GATAD2A: variants seen among roughly 807,000 people sequenced by gnomAD.
GATAD2A encodes the protein transcriptional repressor p66-alpha.
Under a neutral mutation model 68.5 loss-of-function variants are expected in GATAD2A, and 12 were observed. The ratio of observed to expected loss-of-function variants is 0.18; its 90% CI spans 0.11 to 0.28. The LOEUF (loss-of-function observed/expected upper bound fraction) is 0.28. Among genes scored for constraint, GATAD2A ranks in the 10% least tolerant of loss-of-function variants. GATAD2A has a pLI of 1.00. For synonymous variants in GATAD2A, 410 were observed against 375.3 expected, an observed-to-expected ratio of 1.09 and a Z score of -1.07; for missense variants, 755 against 868.5, an observed-to-expected ratio of 0.87 and a Z score of 1.64.
At chr19:19,388,897 C>T (rs758002348) in intron 1 of GATAD2A, among the ~76,000 whole-genome samples, 1 of 151,980 alleles carries the variant, frequency 6.6e-6, no homozygotes, top group Non-Finnish European at 1.5e-5. Flanking sequence ...ATCCCTAGTT[C>T]GTAGGCCAGT....
intron 1 of GATAD2A, among the ~76,000 whole-genome samples, chr19:19,443,645 G>A (rs1005955023): frequency 3.3e-5 from 5 of 152,150 alleles, no homozygotes; most frequent in East Asian, 1.9e-4. Context: ...CCCGATGGCC[G>A]TGGACCTGGG....
At position 19,495,864 on chromosome 19, in the gene GATAD2A, C is replaced by T. The variant is rs775281072; in HGVS notation, c.735C>T (p.Pro245=). ...AGGCGAGCTCACAGGTCGTCATGCCCCCACTCGTCAGGGGGGCTCAGGTAA... is the reference window on the plus strand; with the variant it reads ...AGGCGAGCTCACAGGTCGTCATGCCTCCACTCGTCAGGGGGGCTCAGGTAA... ...GPQASSQVVM[P]PLVRGAQQIH... Residue 245 remains proline, a synonymous_variant, in exon 6 of 12, where the codon CCC becomes CCT. Coordinates refer to ENST00000683918, the MANE Select transcript of GATAD2A (RefSeq NM_001384528.1). 8 of 1,612,868 alleles carry T rather than the reference C, an allele frequency of 5.0e-6. No individual in the cohort carries two copies. In the East Asian group the frequency reaches 1.8e-4, roughly 36 times the overall value.
At chr19:19,490,650 G>C (rs1221027002) in intron 2 of GATAD2A, among the ~76,000 whole-genome samples, 1 of 152,154 alleles carries the variant, frequency 6.6e-6, no homozygotes, top group Non-Finnish European at 1.5e-5. Flanking sequence ...ATGAGGCCGA[G>C]GCGGGCGGAT....
At chr19:19,501,880 G>T in intron 9 of GATAD2A, 89 bp from the exon 10 acceptor site, 1 of 948,606 alleles carries the variant, frequency 1.1e-6, no homozygotes. Flanking sequence ...GTCCCCAGGG[G>T]ACGGGCCTGT....
intron 7 of GATAD2A, among the ~76,000 whole-genome samples, chr19:19,496,905 C>T (rs1007040696): frequency 6.6e-5 from 10 of 152,002 alleles, no homozygotes; most frequent in Non-Finnish European, 1.3e-4. Context: ...TTGTTCTTGC[C>T]CACCCTCCTC....
chr19:19,493,189 C>T (rs763383734), intron 4 of GATAD2A, among the ~76,000 whole-genome samples: 1 of 152,156 alleles, frequency 6.6e-6, no homozygotes, highest in Non-Finnish European at 1.5e-5. Context: ...TCCGCCCACA[C>T]GGGCCTCCCA....
chr19:19,456,930 G>T (rs2056988830), intron 1 of GATAD2A, among the ~76,000 whole-genome samples: 1 of 152,162 alleles, frequency 6.6e-6, no homozygotes, highest in Non-Finnish European at 1.5e-5. Context: ...AGGTGGTTGT[G>T]GGGTAGATGC....
At chr19:19,473,458 A>G (rs554391818) in intron 2 of GATAD2A, among the ~76,000 whole-genome samples, 1 of 152,174 alleles carries the variant, frequency 6.6e-6, no homozygotes, top group Non-Finnish European at 1.5e-5. Context: ...AATTGGTGAC[A>G]CTGGTGTCCT....
chr19:19,425,018 G>A (rs2052899275), intron 1 of GATAD2A, among the ~76,000 whole-genome samples: 1 of 151,404 alleles, frequency 6.6e-6, no homozygotes, highest in Non-Finnish European at 1.5e-5. Flanking sequence ...GGCCAAAGTA[G>A]GAGGATTGCT....
Position 19,465,453 on chromosome 19 carries a change from G to A in GATAD2A, c.108G>A (p.Leu36=). 1.9e-6 allele frequency: 3 copies of A among 1,613,920 alleles called. No homozygotes were observed. Among genetic ancestry groups the A allele is most frequent in the Non-Finnish European group, 1.7e-6 (2 of 1,179,758 alleles). The change falls in exon 2 of 12, where the codon TTG becomes TTA. Residue 36 remains leucine, a synonymous_variant. Coordinates refer to ENST00000683918, the MANE Select transcript of GATAD2A (RefSeq NM_001384528.1). ...AAATAAAAATGGAGAGAGGATTGTT[G>A]GCTTCAGATTTAAACACTGACGGAG... ...SKKIKMERGL[L]ASDLNTDGDM... is the part of the protein sequence containing the mutation.
At chr19:19,396,212 G>A (rs2049232477) in intron 1 of GATAD2A, among the ~76,000 whole-genome samples, 3 of 152,148 alleles carry the variant, frequency 2.0e-5, no homozygotes, top group African/African-American at 7.2e-5. Context: ...TACTAGGGAG[G>A]TTGAGGTAGG....
At chr19:19,474,626 G>A (rs2058545340) in intron 2 of GATAD2A, among the ~76,000 whole-genome samples, 1 of 152,218 alleles carries the variant, frequency 6.6e-6, no homozygotes, top group Non-Finnish European at 1.5e-5. Flanking sequence ...TTTGGGCCTG[G>A]TGTGAGCACC....
intron 1 of GATAD2A, among the ~76,000 whole-genome samples, chr19:19,447,195 C>T (rs897847427): frequency 6.6e-6 from 1 of 152,136 alleles, no homozygotes; most frequent in Non-Finnish European, 1.5e-5. Flanking sequence ...GGAAGCGTTT[C>T]TCACTTTGCA....
At chr19:19,436,047 G>C in intron 1 of GATAD2A, 1 of 639,638 alleles carries the variant, frequency 1.6e-6, no homozygotes, top group African/African-American at 1.9e-5. Flanking sequence ...TAATTCCAGG[G>C]GTTAGAGACA....
chr19:19,414,823 C>G (rs1041715242), intron 1 of GATAD2A, among the ~76,000 whole-genome samples: 1 of 149,120 alleles, frequency 6.7e-6, no homozygotes, highest in Non-Finnish European at 1.5e-5. Context: ...GTGTGAGCCA[C>G]CACACCCTGC....
At chr19:19,395,049 A>G (rs2049125340) in intron 1 of GATAD2A, among the ~76,000 whole-genome samples, 2 of 152,166 alleles carry the variant, frequency 1.3e-5, no homozygotes. Context: ...GCATGTGACC[A>G]GGCTCCCACC....
intron 2 of GATAD2A, 138 bp downstream of exon 2, chr19:19,465,752 A>G (rs1199615647): frequency 4.0e-6 from 4 of 1,009,108 alleles, no homozygotes; most frequent in Admixed American, 2.6e-5. Context: ...CAGCTCGGGC[A>G]TCACCCACCA....
Position 19,506,056 on chromosome 19 carries a change from C to T in GATAD2A, c.*582C>T, listed in dbSNP as rs894781625. 40 of 398,842 alleles carry T rather than the reference C, an allele frequency of 1.0e-4. No homozygotes were observed. Among genetic ancestry groups the T allele is most frequent in the Non-Finnish European group, 1.5e-4 (33 of 226,066 alleles). The allele number at this position is 398,842 out of a possible 1,614,324, so 24.7% of individuals were successfully genotyped here. ...CTGGGGTCCCTGTTGTACGCTGCAT[C>T]ATCCCGCTGGCCCTGTGCCCTGGAG... On this transcript the variant is annotated 3_prime_UTR_variant, in exon 12 of 12. Coordinates refer to ENST00000683918, the MANE Select transcript of GATAD2A (RefSeq NM_001384528.1).
At chr19:19,430,976 G>GGGTGTGTGTGTGT (rs140794575) in intron 1 of GATAD2A, among the ~76,000 whole-genome samples, 2 of 136,694 alleles carry the variant, frequency 1.5e-5, no homozygotes, top group African/African-American at 5.6e-5. Flanking sequence ...GTATGGTAGG[G>GGGTGTGTGTGTGT]GTGTGTGTGT....
Sources: allele counts gnomAD v4.1 joint callset (sites outside exome capture counted in the v4.1 genomes callset), GRCh38; gene constraint gnomAD v4.1.1; transcripts MANE v1.5; gene names NCBI Gene and HGNC (gene_info 2026-07-23, HGNC 2026-07-21).